Variants in ESRRG observed in about 807,000 individuals in gnomAD.
ESRRG encodes estrogen-related receptor gamma.
Under a neutral mutation model 44.0 loss-of-function variants are expected in ESRRG, and 13 were observed. The observed-to-expected ratio is 0.30, with a 90% confidence interval of 0.19 to 0.47. The LOEUF (loss-of-function observed/expected upper bound fraction) is 0.47. Among genes scored for constraint, ESRRG ranks in the 20% least tolerant of loss-of-function variants. The probability of loss-of-function intolerance (pLI) is 1.00; values close to 1 mark genes in which losing one functional copy is unlikely to be tolerated. For synonymous variants in ESRRG, 215 were observed against 214.6 expected (o/e 1.00, Z -0.02); for missense variants, 395 against 580.6 (o/e 0.68, Z 3.29).
intron 2 of ESRRG, among the ~76,000 whole-genome samples, chr1:216,671,700 T>C (rs1342163145): frequency 6.6e-6 from 1 of 152,200 alleles, no homozygotes; most frequent in Non-Finnish European, 1.5e-5. Flanking sequence ...ATAATGAACA[T>C]CTTTTTAAAA....
chr1:216,627,639 T>C (rs768094764), intron 3 of ESRRG, among the ~76,000 whole-genome samples: 143 of 152,330 alleles, frequency 9.4e-4, no homozygotes, highest in Middle Eastern at 3.4e-3. Context: ...CATGCTTATG[T>C]GAAGAAAGTG....
At chr1:217,041,247 A>G (rs2151129168) in intron 1 of ESRRG, among the ~76,000 whole-genome samples, 1 of 152,244 alleles carries the variant, frequency 6.6e-6, no homozygotes, top group Admixed American at 6.5e-5. Context: ...AGCTGACACC[A>G]CAGTTGGTGA....
chr1:216,936,942 G>A (rs1321663905), intron 2 of ESRRG, among the ~76,000 whole-genome samples: 2 of 151,964 alleles, frequency 1.3e-5, no homozygotes, highest in African/African-American at 4.8e-5. Context: ...ACATACCCAG[G>A]GGCAGAACTT....
At chr1:217,129,003 A>G (rs75605089) in intron 1 of ESRRG, among the ~76,000 whole-genome samples, 4,345 of 152,296 alleles carry the variant, frequency 0.029, 86 homozygotes, top group African/African-American at 0.031. Flanking sequence ...CATCAAAATT[A>G]AAAACTTCTA....
At position 216,807,735 on chromosome 1, in the gene ESRRG, T is replaced by C. The variant is rs138022504; in HGVS notation, c.-13-130244A>G. 3.3e-5 allele frequency among the ~76,000 whole-genome samples: 5 copies of C among 151,912 alleles called. No homozygotes were observed. The East Asian group carries it at 9.7e-4, about 29-fold the overall frequency. On this transcript the variant is annotated intron_variant, in intron 2 of 7. Coordinates refer to the ESRRG transcript ENST00000359162. ...GCCAATAAAAAAAAAAAATCATGAA[T>C]TGTAATTATGGTCTTTACAGGGAGT...
At chr1:216,516,420 T>A (rs1214062526) in intron 6 of ESRRG, among the ~76,000 whole-genome samples, 1 of 151,908 alleles carries the variant, frequency 6.6e-6, no homozygotes, top group African/African-American at 2.4e-5. Flanking sequence ...AGGAAGCCAG[T>A]TGCCTGTTTT....
chr1:216,508,408 A>G (rs910686406), intron 6 of ESRRG, among the ~76,000 whole-genome samples: 1 of 152,190 alleles, frequency 6.6e-6, no homozygotes, highest in Non-Finnish European at 1.5e-5. Context: ...TCTTTAAAAA[A>G]TTTTTGAATA....
In ESRRG at chr1:216,505,885, A is replaced by G. The variant is rs78184111; in HGVS notation, c.*1054T>C. The G allele has an allele frequency of 6.5e-6, 1 of 152,740 alleles. No individual in the cohort carries two copies. The highest frequency in any genetic ancestry group is 2.4e-5 in the African/African-American group (1 of 41,564). 9.5% of individuals were successfully genotyped at this position (152,740 alleles called of 1,614,324 possible). A position where few individuals can be genotyped will look rare whatever the true frequency, so the allele number is the denominator to read the frequency against. The stretch of plus-strand genomic sequence containing the variant: ...GGCTGAAAAGTGGTAAAGCTGGTAC[A>G]AAAAAATCTCCATTTGTAAGAAGAA... On this transcript the variant is annotated 3_prime_UTR_variant, in exon 7 of 7. Transcript: ENST00000408911.
At chr1:216,731,182 C>T (rs567153156) in intron 2 of ESRRG, among the ~76,000 whole-genome samples, 24 of 152,248 alleles carry the variant, frequency 1.6e-4, no homozygotes, top group Middle Eastern at 3.4e-3. Flanking sequence ...TTGTATGCAA[C>T]ATAAAAATTT....
Position 216,912,183 on chromosome 1 carries a change from A to AAGAAAAGAAG in ESRRG, c.-14+27398_-14+27399insCTTCTTTTCT, listed in dbSNP as rs1560083326. Among the ~76,000 whole-genome samples, 119 of 21,146 alleles carry AAGAAAAGAAG rather than the reference A, an allele frequency of 5.6e-3. 7 individuals carry two copies. The highest frequency in any genetic ancestry group is 0.056 in the Middle Eastern group (1 of 18). The allele number at this position is 21,146 out of a possible 152,430, so 13.9% of individuals were successfully genotyped here. A position where few individuals can be genotyped will look rare whatever the true frequency, so the allele number is the denominator to read the frequency against. On this transcript the variant is annotated intron_variant, in intron 2 of 7. Transcript: ENST00000359162. ...AAGAAAAGAAAAGAAAAGAAAAGAA[A>AAGAAAAGAAG]AGGAGAGGAGAGGAGAGGAGAGGAG...
At chr1:216,920,926 C>G (rs185393276) in intron 2 of ESRRG, among the ~76,000 whole-genome samples, 107 of 152,288 alleles carry the variant, frequency 7.0e-4, no homozygotes, top group African/African-American at 2.4e-3. Flanking sequence ...GCAAGGCACA[C>G]GACTCAGAGT....
At chr1:216,680,483 G>T (rs17673189) in intron 1 of ESRRG, among the ~76,000 whole-genome samples, 4 of 151,966 alleles carry the variant, frequency 2.6e-5, no homozygotes, top group Non-Finnish European at 4.4e-5. Flanking sequence ...GAGGTGGCAC[G>T]CAGAGATCTA....
intron 5 of ESRRG, among the ~76,000 whole-genome samples, chr1:216,521,393 C>T (rs1428879189): frequency 6.6e-6 from 1 of 151,844 alleles, no homozygotes; most frequent in African/African-American, 2.4e-5. Flanking sequence ...CAATGCAAAT[C>T]CAAATATCAA....
chr1:216,727,012 A>C (rs1461563051), upstream of ESRRG, among the ~76,000 whole-genome samples: 1 of 152,214 alleles, frequency 6.6e-6, no homozygotes, highest in East Asian at 1.9e-4. Context: ...AGAAATGCTT[A>C]GTCTTGCTGT....
chr1:217,079,930 C>T (rs1399728745), intron 1 of ESRRG, among the ~76,000 whole-genome samples: 4 of 152,112 alleles, frequency 2.6e-5, no homozygotes, highest in African/African-American at 7.2e-5. Flanking sequence ...TCATTTGATC[C>T]TTCCAACAGT....
At chr1:217,060,732 AG>A (rs2088202055) in intron 1 of ESRRG, among the ~76,000 whole-genome samples, 1 of 152,066 alleles carries the variant, frequency 6.6e-6, no homozygotes, top group Non-Finnish European at 1.5e-5. Context: ...AGAATAGGCC[AG>A]GACCCAGAAG....
intron 1 of ESRRG, among the ~76,000 whole-genome samples, chr1:216,704,284 C>T (rs934821800): frequency 3.3e-5 from 5 of 152,048 alleles, no homozygotes; most frequent in South Asian, 2.1e-4. Flanking sequence ...AAGGCCGAGG[C>T]GGGTGGATCA....
rs759827420 is a variant in ESRRG at position 216,658,917 on chromosome 1, A to AG, written c.473-7829_473-7828insC. On this transcript the variant is annotated intron_variant, in intron 2 of 6. Coordinates refer to ENST00000408911, the MANE Select transcript of ESRRG (RefSeq NM_001438.4). ...AGAGAAGAGAAGAGAAGAGAAGAGA[A>AG]ATAAAGAAAAGAAAAGAAAAGTAGA... is the stretch of plus-strand genomic sequence containing the variant. Among the ~76,000 whole-genome samples, 223 of 150,526 alleles carry AG rather than the reference A, an allele frequency of 1.5e-3. 1 individual carries two copies. Among genetic ancestry groups the AG allele is most frequent in the African/African-American group, 5.3e-3 (214 of 40,648 alleles).
intron 3 of ESRRG, among the ~76,000 whole-genome samples, chr1:216,589,916 A>G (rs2057364507): frequency 6.7e-6 from 1 of 150,014 alleles, no homozygotes; most frequent in Admixed American, 6.6e-5. Context: ...AAAAAAAAAA[A>G]AAAAAAAAAA....
Sources: allele counts gnomAD v4.1 joint callset (sites outside exome capture counted in the v4.1 genomes callset), GRCh38; gene constraint gnomAD v4.1.1; transcripts MANE v1.5; gene names NCBI Gene and HGNC (gene_info 2026-07-23, HGNC 2026-07-21).